NOTCH2: variants seen among roughly 807,000 people sequenced by gnomAD.
The protein encoded by NOTCH2 is neurogenic locus notch homolog protein 2.
In NOTCH2, 29 loss-of-function variants were observed where a neutral mutation model predicts 235.8. The observed-to-expected ratio is 0.12, with a 90% confidence interval of 0.09 to 0.17. The LOEUF (loss-of-function observed/expected upper bound fraction) is 0.17, where lower values mean the gene tolerates loss of function less well. NOTCH2 is among the 10% of genes least tolerant of loss of function. The probability of loss-of-function intolerance (pLI) is 1.00; values close to 1 mark genes in which losing one functional copy is unlikely to be tolerated. For synonymous variants in NOTCH2, 1,086 were observed against 1,141.5 expected, an observed-to-expected ratio of 0.95 and a Z score of 0.98; for missense variants, 2,285 against 3,150.2, an observed-to-expected ratio of 0.73 and a Z score of 6.57.
At chr1:119,949,252 G>A (rs1650370884) in intron 15 of NOTCH2, 126 bp from the exon 16 acceptor site, 1 of 972,034 alleles carries the variant, frequency 1.0e-6, no homozygotes, top group Non-Finnish European at 1.6e-6. Flanking sequence ...AAATGGAGAA[G>A]CCCATGATCT....
intron 1 of NOTCH2, chr1:120,069,028 C>T (rs782764108): frequency 6.2e-5 from 86 of 1,389,080 alleles, no homozygotes; most frequent in Middle Eastern, 1.8e-4. Context: ...TGCCCACCTC[C>T]CTGCACCCTG....
intron 1 of NOTCH2, among the ~76,000 whole-genome samples, chr1:120,041,838 A>AAGAG (rs370450952): frequency 1.0e-5 from 1 of 98,480 alleles, no homozygotes; most frequent in Non-Finnish European, 1.9e-5. Context: ...CTGCTAAAGA[A>AAGAG]AGAGAGAGAG....
chr1:120,000,060 C>G (rs1201367824), intron 3 of NOTCH2, among the ~76,000 whole-genome samples: 2 of 151,656 alleles, frequency 1.3e-5, no homozygotes, highest in East Asian at 1.9e-4. Context: ...AGAATCAACC[C>G]TGAATTTGGT....
In NOTCH2 at chr1:119,959,509, G is replaced by A. The variant is rs781952698; in HGVS notation, c.1916-7C>T. On this transcript the variant is annotated splice_polypyrimidine_tract_variant and splice_region_variant and intron_variant, in intron 11 of 33. Transcript: ENST00000256646. Reference sequence around the variant, plus strand: ...TTAATTTCACAATTAACCCCTGGAAGAGAAAACCCAACGGAAACCATTCAA... The same window carrying A: ...TTAATTTCACAATTAACCCCTGGAAAAGAAAACCCAACGGAAACCATTCAA... 8 of 1,467,910 alleles carry A rather than the reference G, an allele frequency of 5.4e-6. No individual in the cohort carries two copies. The highest frequency in any genetic ancestry group is 2.3e-5 in the South Asian group (2 of 88,164). The allele number at this position is 1,467,910 out of a possible 1,614,324, so 90.9% of individuals were successfully genotyped here.
At chr1:119,972,932 C>CA (rs1236091206) in intron 5 of NOTCH2, among the ~76,000 whole-genome samples, 7 of 152,112 alleles carry the variant, frequency 4.6e-5, no homozygotes, top group African/African-American at 1.7e-4. Flanking sequence ...GGTGAGGACT[C>CA]AAATCATGAC....
intron 1 of NOTCH2, among the ~76,000 whole-genome samples, chr1:120,067,337 C>CT (rs1419398333): frequency 2.0e-5 from 3 of 150,612 alleles, no homozygotes; most frequent in African/African-American, 7.4e-5. Flanking sequence ...GTCAACTTGA[C>CT]TAACACTCAA....
At chr1:119,953,471 G>T in intron 14 of NOTCH2, 72 bp downstream of exon 14, 1 of 1,494,546 alleles carries the variant, frequency 6.7e-7, no homozygotes, top group South Asian at 1.1e-5. Flanking sequence ...AGGAAACTAA[G>T]AAGTGAGTCA....
chr1:119,923,662 C>T lies in NOTCH2; in HGVS notation c.4834G>A (p.Gly1612Ser). The change falls in exon 26 of 34, where the codon GGT (glycine) becomes AGT (serine). Residue 1612 changes from glycine (G) to serine (S), a missense_variant. Physicochemically the swap from Gly to Ser is moderately conservative, Grantham distance 56 (BLOSUM62 0). This residue lies in a region of NOTCH2 where 1,173 missense variants were observed against 1,515.3 expected (regional missense o/e 0.77). Transcript: ENST00000256646. ...KQRMTRRSLP[G>S]EQEQEVAGSK... The stretch of plus-strand genomic sequence containing the variant: ...CCAGCCACCTCCTGTTCTTGTTCAC[C>T]AGGAAGGGATCTGCGTGTCATCCTC... The T allele has an allele frequency of 6.2e-7, 1 of 1,614,128 alleles. No individual in the cohort carries two copies. Among genetic ancestry groups the T allele is most frequent in the East Asian group, 2.2e-5 (1 of 44,888 alleles).
intron 10 of NOTCH2, 22 bp downstream of exon 10, chr1:119,965,431 T>C (rs1358340191): frequency 1.3e-6 from 2 of 1,573,066 alleles, no homozygotes; most frequent in East Asian, 4.5e-5. Flanking sequence ...ACCAAGGAGA[T>C]GAAAAGTGAG....
intron 29 of NOTCH2, 85 bp from the exon 30 acceptor site, chr1:119,920,482 C>T: frequency 2.8e-6 from 4 of 1,407,016 alleles, no homozygotes; most frequent in Non-Finnish European, 4.0e-6. Context: ...TCCACCACCG[C>T]TGCTTATCTC....
chr1:119,968,824 C>T (rs1651250414), intron 6 of NOTCH2, among the ~76,000 whole-genome samples: 1 of 152,166 alleles, frequency 6.6e-6, no homozygotes, highest in Admixed American at 6.6e-5. Flanking sequence ...CTGGATTTTC[C>T]AGTCTGCAAT....
chr1:119,956,378 A>ATT (rs1177971225), intron 12 of NOTCH2, among the ~76,000 whole-genome samples: 17 of 152,206 alleles, frequency 1.1e-4, no homozygotes, highest in Non-Finnish European at 5.9e-5. Context: ...CATTTTTCTC[A>ATT]TTTAAGAAAG....
chr1:119,949,170 A>G, intron 15 of NOTCH2, 44 bp from the exon 16 acceptor site: 1 of 1,612,954 alleles, frequency 6.2e-7, no homozygotes, highest in Non-Finnish European at 8.5e-7. Context: ...AACAGGTAAG[A>G]AAACGAAAAT....
Position 119,921,822 on chromosome 1 carries a change from T to C in NOTCH2, c.5214-13A>G. 1 of 1,600,712 alleles carries C rather than the reference T, an allele frequency of 6.2e-7. No homozygotes were observed. The highest frequency in any genetic ancestry group is 1.1e-5 in the South Asian group (1 of 90,788). On this transcript the variant is annotated splice_polypyrimidine_tract_variant and intron_variant, in intron 28 of 33. Transcript: ENST00000256646. ...CACTGAGAGATTTCTAATATGATTA[T>C]AAAAAGAAAAAATAAGAATGGCAGT...
chr1:119,921,708 C>T lies in NOTCH2; in HGVS notation c.5310+5G>A, dbSNP rs1557804679. The T allele has an allele frequency of 1.2e-6, 2 of 1,613,308 alleles. No homozygotes were observed. Among genetic ancestry groups the T allele is most frequent in the Non-Finnish European group, 1.7e-6 (2 of 1,179,220 alleles). ...ACAATGGTGGTTCTACCATGGCCACCTCACCTTTACTTTCTTTGGCTGGGG... is the reference window on the plus strand; with the variant it reads ...ACAATGGTGGTTCTACCATGGCCACTTCACCTTTACTTTCTTTGGCTGGGG... On this transcript the variant is annotated splice_donor_5th_base_variant and intron_variant, in intron 29 of 33. Transcript: ENST00000256646.
At chr1:120,008,815 C>T in intron 2 of NOTCH2, among the ~76,000 whole-genome samples, 1 of 152,136 alleles carries the variant, frequency 6.6e-6, no homozygotes, top group African/African-American at 2.4e-5. Flanking sequence ...GGCATTTTTC[C>T]AGTGCTAGAA....
intron 15 of NOTCH2, 42 bp from the exon 16 acceptor site, chr1:119,949,168 A>G: frequency 6.2e-7 from 1 of 1,613,014 alleles, no homozygotes; most frequent in Non-Finnish European, 8.5e-7. Flanking sequence ...TAAACAGGTA[A>G]GAAAACGAAA....
At chr1:120,010,476 ACT>A (rs1437820320) in intron 2 of NOTCH2, among the ~76,000 whole-genome samples, 2 of 151,718 alleles carry the variant, frequency 1.3e-5, no homozygotes, top group African/African-American at 2.4e-5. Context: ...AAGAGTACAG[ACT>A]CTGGAACCAG....
intron 29 of NOTCH2, 21 bp downstream of exon 29, chr1:119,921,692 G>C: frequency 6.3e-7 from 1 of 1,599,808 alleles, no homozygotes. Context: ...GACAATGGTG[G>C]TTCTACCATG....
Sources: gnomAD v4.1 joint callset for allele counts (sites outside exome capture counted in the v4.1 genomes callset) on GRCh38, gnomAD v4.1.1 for gene constraint, gnomAD v4.1.1 regional missense constraint, MANE v1.5 for transcripts, NCBI Gene and HGNC (gene_info 2026-07-23, HGNC 2026-07-21) for gene names.